The following DROSHA variants were observed in gnomAD, a reference collection of about 807,000 sequenced individuals.
The protein encoded by DROSHA is drosha ribonuclease III.
A neutral mutation model predicts 181.9 loss-of-function variants in DROSHA; 56 were observed. The ratio of observed to expected loss-of-function variants is 0.31; its 90% confidence interval spans 0.25 to 0.38. The LOEUF (loss-of-function observed/expected upper bound fraction) is 0.38, where lower values mean the gene tolerates loss of function less well. Ranked by LOEUF, DROSHA falls within the 10% of genes least tolerant of loss-of-function variation. DROSHA has a pLI of 1.00. For synonymous variants in DROSHA, 524 were observed against 591.2 expected, an observed-to-expected ratio of 0.89 and a Z score of 1.65; for missense variants, 1,218 against 1,743.5, an observed-to-expected ratio of 0.70 and a Z score of 5.37.
intron 20 of DROSHA, among the ~76,000 whole-genome samples, chr5:31,463,265 T>G (rs115849947): frequency 3.3e-5 from 5 of 152,310 alleles, no homozygotes; most frequent in Non-Finnish European, 5.9e-5. Flanking sequence ...TAGCAGTTCA[T>G]CTTAATGCAA....
chr5:31,424,293 A>C (rs1743184955), intron 28 of DROSHA, 134 bp downstream of exon 28: 1 of 1,132,880 alleles, frequency 8.8e-7, no homozygotes, highest in South Asian at 1.4e-5. Flanking sequence ...TCCAGGTCTG[A>C]CACCTCAGCT....
At chr5:31,424,590 G>A (rs1012780244) in intron 27 of DROSHA, 119 bp from the exon 28 acceptor site, 117 of 1,280,308 alleles carry the variant, frequency 9.1e-5, no homozygotes, top group Admixed American at 5.5e-5. Context: ...TCCACTTATG[G>A]CAAATTCAAC....
chr5:31,487,243 G>A (rs1159285399), intron 13 of DROSHA, among the ~76,000 whole-genome samples: 1 of 152,150 alleles, frequency 6.6e-6, no homozygotes, highest in Non-Finnish European at 1.5e-5. Flanking sequence ...TAAGATAACA[G>A]GTAGCTTGGT....
intron 20 of DROSHA, among the ~76,000 whole-genome samples, chr5:31,456,849 A>C (rs945441770): frequency 1.3e-5 from 2 of 151,688 alleles, no homozygotes; most frequent in Admixed American, 1.3e-4. Flanking sequence ...GCAGCCCCAA[A>C]CTCCTGGGCT....
chr5:31,401,672 G>A, intron 35 of DROSHA, 110 bp from the exon 36 acceptor site: 1 of 651,236 alleles, frequency 1.5e-6, no homozygotes, highest in Non-Finnish European at 2.0e-6. Context: ...CATATGAAAT[G>A]TGTATAATTG....
intron 25 of DROSHA, among the ~76,000 whole-genome samples, chr5:31,432,529 T>C (rs979973986): frequency 5.9e-5 from 9 of 152,314 alleles, no homozygotes; most frequent in South Asian, 2.1e-4. Context: ...TTGTGACGAT[T>C]TGGGGACCCC....
intron 33 of DROSHA, 92 bp from the exon 34 acceptor site, chr5:31,407,037 T>A: frequency 1.1e-6 from 1 of 907,572 alleles, no homozygotes; most frequent in Non-Finnish European, 1.6e-6. Flanking sequence ...ACTTAGTGCC[T>A]AGACAGAGTT....
chr5:31,457,555 T>G (rs1235036801), intron 20 of DROSHA, among the ~76,000 whole-genome samples: 3 of 152,046 alleles, frequency 2.0e-5, no homozygotes, highest in Non-Finnish European at 4.4e-5. Flanking sequence ...TGCAGAGTCA[T>G]GTAAACATTT....
intron 20 of DROSHA, among the ~76,000 whole-genome samples, chr5:31,458,715 G>A (rs1434753841): frequency 6.6e-6 from 1 of 152,196 alleles, no homozygotes; most frequent in Non-Finnish European, 1.5e-5. Flanking sequence ...TGTGTCTACT[G>A]AGCACTCAAA....
chr5:31,465,395 C>G (rs1047156367), intron 19 of DROSHA, among the ~76,000 whole-genome samples: 5 of 152,142 alleles, frequency 3.3e-5, no homozygotes, highest in African/African-American at 1.2e-4. Context: ...AACTGGCAGA[C>G]CAATGGAAGA....
At chr5:31,474,714 C>T (rs1750163059) in intron 16 of DROSHA, among the ~76,000 whole-genome samples, 1 of 152,090 alleles carries the variant, frequency 6.6e-6, no homozygotes. Flanking sequence ...GTGGGGCCTT[C>T]AGAGGTAATA....
intron 10 of DROSHA, among the ~76,000 whole-genome samples, chr5:31,504,840 A>C (rs1737717256): frequency 1.3e-5 from 2 of 152,228 alleles, no homozygotes; most frequent in African/African-American, 4.8e-5. Flanking sequence ...CCGTGTGACA[A>C]CACCACATTC....
intron 30 of DROSHA, 29 bp downstream of exon 30, chr5:31,421,243 T>C (rs1325697675): frequency 6.5e-7 from 1 of 1,540,920 alleles, no homozygotes; most frequent in Non-Finnish European, 9.0e-7. Context: ...ACAGCAATCT[T>C]ATTGGAGGAA....
chr5:31,521,271 C>T lies in DROSHA; in HGVS notation c.855-56G>A. The T allele has an allele frequency of 1.9e-6, 3 of 1,569,370 alleles. No homozygotes were observed. In the South Asian group the frequency reaches 3.3e-5, roughly 17 times the overall value. On this transcript the variant is annotated intron_variant, in intron 5 of 35. Coordinates refer to ENST00000344624, the MANE Select transcript of DROSHA (RefSeq NM_001382508.1). ...CAACAGAAAGACTCAAAAACACCAT[C>T]TCTTTTCACTGAATTCATCTTGTAA... is the stretch of plus-strand genomic sequence containing the variant.
At position 31,406,905 on chromosome 5, in the gene DROSHA, T is replaced by C; in HGVS notation, c.3895A>G (p.Thr1299Ala). 6.2e-7 allele frequency: 1 copy of C among 1,613,802 alleles called. No homozygotes were observed. ...TCTCCCTTGAAATAAACAGCCACAG[T>C]GTAGGTTCGGGCATGGGATGGGCCC... ...TVGPSHARTY[T>A]VAVYFKGERI... The change falls in exon 34 of 36, where the codon ACT becomes GCT. Residue 1299 changes from threonine to alanine, a missense_variant. Coordinates refer to ENST00000344624, the MANE Select transcript of DROSHA (RefSeq NM_001382508.1).
chr5:31,464,403 C>T, intron 19 of DROSHA, 60 bp from the exon 20 acceptor site: 1 of 1,455,770 alleles, frequency 6.9e-7, no homozygotes, highest in African/African-American at 1.4e-5. Context: ...GTAAGCCAAA[C>T]ATCAAGCATT....
chr5:31,510,680 G>A (rs1050788922), intron 9 of DROSHA, among the ~76,000 whole-genome samples: 4 of 152,160 alleles, frequency 2.6e-5, no homozygotes, highest in South Asian at 2.1e-4. Flanking sequence ...CAAACCAGGC[G>A]CACCTGGCAA....
intron 30 of DROSHA, among the ~76,000 whole-genome samples, chr5:31,415,061 A>G (rs559794276): frequency 1.6e-4 from 24 of 152,356 alleles, no homozygotes; most frequent in Non-Finnish European, 3.1e-4. Context: ...TTATGCCAGC[A>G]TAGCAGTCTT....
chr5:31,426,097 A>G (rs1368387404), intron 27 of DROSHA, among the ~76,000 whole-genome samples: 2 of 152,006 alleles, frequency 1.3e-5, no homozygotes, highest in African/African-American at 4.8e-5. Context: ...CCGAAACAAG[A>G]CTGTGATTCC....
Sources: allele counts gnomAD v4.1 joint callset (sites outside exome capture counted in the v4.1 genomes callset), GRCh38; gene constraint gnomAD v4.1.1; transcripts MANE v1.5; gene names NCBI Gene and HGNC (gene_info 2026-07-23, HGNC 2026-07-21).